Variants in SPOCK1 observed in about 807,000 individuals in gnomAD.
SPOCK1 encodes SPARC (osteonectin), cwcv and kazal like domains proteoglycan 1, also known as testican-1.
A neutral mutation model predicts 55.3 loss-of-function variants in SPOCK1; 23 were observed. The observed-to-expected ratio is 0.42, with a 90% CI of 0.30 to 0.59. The LOEUF (loss-of-function observed/expected upper bound fraction) is 0.59. SPOCK1 is among the 20% of genes least tolerant of loss of function. The pLI is 0.22. For synonymous variants in SPOCK1, 226 were observed against 221.0 expected (o/e 1.02, Z -0.20); for missense variants, 499 against 552.5 (o/e 0.90, Z 0.97).
intron 2 of SPOCK1, among the ~76,000 whole-genome samples, chr5:137,302,298 G>A (rs976312208): frequency 2.0e-4 from 31 of 152,026 alleles, no homozygotes; most frequent in African/African-American, 5.1e-4. Context: ...GGCTGGGCGC[G>A]GTGGCTCACG....
chr5:137,154,007 G>GC (rs1754367421), intron 3 of SPOCK1, among the ~76,000 whole-genome samples: 1 of 152,078 alleles, frequency 6.6e-6, no homozygotes, highest in Admixed American at 6.5e-5. Flanking sequence ...ATATAATAAG[G>GC]CCGGGCATGG....
chr5:137,066,987 C>CACACACAGAGAGAGAGAGAG lies in SPOCK1; in HGVS notation c.589+727_589+728insCTCTCTCTCTCTCTGTGTGT, dbSNP rs1343691789. ...ATACACACACACACACACACACACACAGAGAGAGAGAGAGAGAGAGAGAAA... is the reference window on the plus strand; with the variant it reads ...ATACACACACACACACACACACACACACACACAGAGAGAGAGAGAGAGAGAGAGAGAGAGAGAGAGAGAAA... On this transcript the variant is annotated intron_variant, in intron 6 of 10. Transcript: ENST00000394945. 5.5e-3 allele frequency among the ~76,000 whole-genome samples: 765 copies of CACACACAGAGAGAGAGAGAG among 139,586 alleles called. 7 individuals carry two copies. The highest frequency in any genetic ancestry group is 8.5e-3 in the Non-Finnish European group (552 of 64,562). 91.6% of individuals were successfully genotyped at this position (139,586 alleles called of 152,430 possible).
intron 3 of SPOCK1, among the ~76,000 whole-genome samples, chr5:137,222,349 G>T (rs538505161): frequency 9.2e-5 from 14 of 152,332 alleles, no homozygotes; most frequent in African/African-American, 3.4e-4. Context: ...TTCAGTATCA[G>T]AGCTTAAGTG....
intron 3 of SPOCK1, among the ~76,000 whole-genome samples, chr5:137,165,064 G>A (rs1479311096): frequency 6.6e-6 from 1 of 152,178 alleles, no homozygotes; most frequent in African/African-American, 2.4e-5. Context: ...CCAGGACTTT[G>A]AGCAAACATA....
intron 2 of SPOCK1, among the ~76,000 whole-genome samples, chr5:137,459,328 C>T (rs4458561): frequency 0.99 from 150,318 of 152,248 alleles, 74,234 homozygotes; most frequent in Middle Eastern, 1. Flanking sequence ...CTGACCTTCC[C>T]CCTCAAACAA....
chr5:137,381,140 T>C (rs1751455966), intron 2 of SPOCK1, among the ~76,000 whole-genome samples: 1 of 152,116 alleles, frequency 6.6e-6, no homozygotes, highest in South Asian at 2.1e-4. Context: ...TAATTACATC[T>C]TAAAGCTCCA....
intron 2 of SPOCK1, among the ~76,000 whole-genome samples, chr5:137,336,207 C>T (rs746100219): frequency 1.4e-4 from 21 of 152,312 alleles, no homozygotes; most frequent in South Asian, 4.1e-4. Context: ...ACTGAGCAGA[C>T]GGCAAGTTTC....
chr5:137,353,799 C>A (rs1351028853), intron 2 of SPOCK1, among the ~76,000 whole-genome samples: 1 of 152,098 alleles, frequency 6.6e-6, no homozygotes, highest in Non-Finnish European at 1.5e-5. Context: ...GCCGAGGTGT[C>A]CCCTCTTCAA....
intron 2 of SPOCK1, among the ~76,000 whole-genome samples, chr5:137,456,852 C>T (rs1022728066): frequency 2.0e-5 from 3 of 152,196 alleles, no homozygotes; most frequent in African/African-American, 7.2e-5. Flanking sequence ...AAACAGACTA[C>T]TTCAATACAA....
At chr5:137,180,429 A>G (rs1754949165) in intron 3 of SPOCK1, among the ~76,000 whole-genome samples, 1 of 152,122 alleles carries the variant, frequency 6.6e-6, no homozygotes, top group Non-Finnish European at 1.5e-5. Flanking sequence ...CATCACCTGA[A>G]TTATCTTATT....
Position 136,978,755 on chromosome 5 carries a change from T to C in SPOCK1, c.1219A>G (p.Lys407Glu), listed in dbSNP as rs778902813. The change falls in exon 11 of 11, where the codon AAG becomes GAG. Residue 407 changes from lysine to glutamate, a missense_variant. Transcript: ENST00000394945. Reference sequence around the variant, plus strand: ...ACCCTCAGCTTCCCCTCTTTGTCCTTTGGTCCCAGCTCCCGTTCATATTCT... The same window carrying C: ...ACCCTCAGCTTCCCCTCTTTGTCCTCTGGTCCCAGCTCCCGTTCATATTCT... ...DLEYERELGP[K>E]DKEGKLRVHT... 1.9e-6 allele frequency: 3 copies of C among 1,614,126 alleles called. No homozygotes were observed. In the South Asian group the frequency reaches 3.3e-5, roughly 18 times the overall value.
chr5:137,324,368 C>G (rs1425465276), intron 2 of SPOCK1, among the ~76,000 whole-genome samples: 1 of 152,028 alleles, frequency 6.6e-6, no homozygotes, highest in Admixed American at 6.5e-5. Context: ...TCGCTTGAAC[C>G]CGGGAGGCAG....
intron 2 of SPOCK1, among the ~76,000 whole-genome samples, chr5:137,323,475 A>T (rs1758016871): frequency 1.3e-5 from 2 of 152,172 alleles, no homozygotes; most frequent in African/African-American, 4.8e-5. Flanking sequence ...AAGACATACC[A>T]ATTATAATTA....
Position 136,988,365 on chromosome 5 carries a change from C to T in SPOCK1, c.928+57G>A, listed in dbSNP as rs1750881831. ...CAATTCATAGTCATACGCAGTCCTC[C>T]TCTGCTCCAGCAAGGCTGCCCTGGG... On this transcript the variant is annotated intron_variant, in intron 8 of 10. Transcript: ENST00000394945. 4.1e-6 allele frequency: 6 copies of T among 1,453,470 alleles called. No individual in the cohort carries two copies. The South Asian group carries it at 7.0e-5, about 17-fold the overall frequency. 90.0% of individuals were successfully genotyped at this position (1,453,470 alleles called of 1,614,324 possible).
intron 2 of SPOCK1, among the ~76,000 whole-genome samples, chr5:137,316,707 T>C (rs1757885706): frequency 2.0e-5 from 3 of 152,342 alleles, no homozygotes; most frequent in Admixed American, 2.0e-4. Flanking sequence ...GCAGTTTTCA[T>C]CTCTAGCTCC....
intron 2 of SPOCK1, among the ~76,000 whole-genome samples, chr5:137,374,660 A>T (rs1299910747): frequency 6.6e-6 from 1 of 152,176 alleles, no homozygotes; most frequent in Non-Finnish European, 1.5e-5. Flanking sequence ...CACTGACTAC[A>T]GTGATGACAG....
chr5:137,247,617 T>C (rs1426673324), intron 3 of SPOCK1, among the ~76,000 whole-genome samples: 1 of 152,222 alleles, frequency 6.6e-6, no homozygotes, highest in African/African-American at 2.4e-5. Flanking sequence ...GTCGTCCATT[T>C]TGTGTTGCTA....
At position 137,177,667 on chromosome 5, in the gene SPOCK1, A is replaced by T. The variant is rs187143583; in HGVS notation, c.233-36973T>A. Reference sequence around the variant, plus strand: ...ACTCCCTTTAACATTAACGCACATTAAAAAAAGTATTCCTCCGCAAAAATG... The same window carrying T: ...ACTCCCTTTAACATTAACGCACATTTAAAAAAGTATTCCTCCGCAAAAATG... On this transcript the variant is annotated intron_variant, in intron 3 of 10. Transcript: ENST00000394945. Among the ~76,000 whole-genome samples, 34 of 152,258 alleles carry T rather than the reference A, an allele frequency of 2.2e-4. No homozygotes were observed. The East Asian group carries it at 6.0e-3, about 27-fold the overall frequency.
intron 5 of SPOCK1, among the ~76,000 whole-genome samples, chr5:137,092,051 CTACCCCCA>C (rs1166805774): frequency 2.0e-5 from 3 of 152,146 alleles, no homozygotes; most frequent in Admixed American, 6.5e-5. Flanking sequence ...CCAGCCCTAT[CTACCCCCA>C]TACTCCCTGC....
Sources: gnomAD v4.1 joint callset for allele counts (sites outside exome capture counted in the v4.1 genomes callset) on GRCh38, gnomAD v4.1.1 for gene constraint, MANE v1.5 for transcripts, NCBI Gene and HGNC (gene_info 2026-07-23, HGNC 2026-07-21) for gene names.